PSMA6: variants seen among roughly 807,000 people sequenced by gnomAD.
PSMA6 encodes proteasome 20S subunit alpha 6.
For synonymous variants in PSMA6, 88 were observed against 97.7 expected (o/e 0.90, Z 0.59); for missense variants, 170 against 294.8 (o/e 0.58, Z 3.10).
At chr14:35,313,104 C>T (rs1334046887) in intron 5 of PSMA6, 45 bp downstream of exon 5, 3 of 1,443,804 alleles carry the variant, frequency 2.1e-6, no homozygotes, top group Non-Finnish European at 1.9e-6. Context: ...CTATATAGAA[C>T]AGTGAGGATC....
upstream of PSMA6, among the ~76,000 whole-genome samples, chr14:35,288,153 C>T (rs755082522): frequency 1.3e-5 from 2 of 152,192 alleles, no homozygotes; most frequent in Non-Finnish European, 2.9e-5. Flanking sequence ...GATTGGAGTG[C>T]TTACCTCAGG....
At chr14:35,291,257 G>A (rs1190540023), upstream of PSMA6, among the ~76,000 whole-genome samples, 3 of 148,830 alleles carry the variant, frequency 2.0e-5, no homozygotes, top group East Asian at 5.9e-4. Context: ...TCGCTCTGTC[G>A]CCCAGGCTGG....
At position 35,312,944 on chromosome 14, in the gene PSMA6, G is replaced by T. The variant is rs2051972689; in HGVS notation, c.473G>T (p.Gly158Val). 1 of 1,593,308 alleles carries T rather than the reference G, an allele frequency of 6.3e-7. No homozygotes were observed. The highest frequency in any genetic ancestry group is 8.5e-7 in the Non-Finnish European group (1 of 1,172,814). Residue 158 changes from glycine (G) to valine (V), a missense_variant, in exon 5 of 7, where the codon GGT becomes GTT. Transcript: ENST00000261479. ...GPQVYKCDPA[G>V]YYCGFKATAA... is the part of the protein sequence containing the mutation. ...CAGGTATATAAGTGTGATCCTGCAG[G>T]TTACTACTGTGGGTTTAAAGCCACT...
chr14:35,284,320 G>T (rs938713952), intron 1 of PSMA6, among the ~76,000 whole-genome samples: 1 of 152,016 alleles, frequency 6.6e-6, no homozygotes, highest in African/African-American at 2.4e-5. Context: ...TAACACACCT[G>T]TTAAGAGTTC....
At chr14:35,302,817 T>C (rs1483794670) in intron 1 of PSMA6, among the ~76,000 whole-genome samples, 2 of 152,196 alleles carry the variant, frequency 1.3e-5, no homozygotes, top group Admixed American at 1.3e-4. Flanking sequence ...AATTTTTAAA[T>C]TTTACGTATT....
In PSMA6 at chr14:35,302,350, A is replaced by G. The variant is rs76266462; in HGVS notation, c.77-5644A>G. Reference sequence around the variant, plus strand: ...AGCAGTGGGATTACAAGCATGAGCCATCACACACAGCCAGAATCACTACAA... The same window carrying G: ...AGCAGTGGGATTACAAGCATGAGCCGTCACACACAGCCAGAATCACTACAA... On this transcript the variant is annotated intron_variant, in intron 1 of 6. Coordinates refer to ENST00000261479, the MANE Select transcript of PSMA6 (RefSeq NM_002791.3). 6.3e-3 allele frequency among the ~76,000 whole-genome samples: 954 copies of G among 152,348 alleles called. 11 individuals are homozygous for G. Among genetic ancestry groups the G allele is most frequent in the African/African-American group, 0.022 (902 of 41,574 alleles).
intron 1 of PSMA6, among the ~76,000 whole-genome samples, chr14:35,283,910 C>T (rs1226502414): frequency 6.6e-6 from 1 of 152,146 alleles, no homozygotes; most frequent in Non-Finnish European, 1.5e-5. Flanking sequence ...CTTTCCATTC[C>T]TATTGCTGCT....
At chr14:35,299,445 C>T (rs750649509) in intron 1 of PSMA6, among the ~76,000 whole-genome samples, 15 of 150,112 alleles carry the variant, frequency 1.0e-4, no homozygotes, top group Middle Eastern at 3.4e-3. Context: ...GCCTCAGCAC[C>T]CCAATAGCTG....
intron 1 of PSMA6, among the ~76,000 whole-genome samples, chr14:35,283,607 G>T (rs1393792875): frequency 1.3e-5 from 2 of 148,176 alleles, no homozygotes; most frequent in Non-Finnish European, 3.0e-5. Flanking sequence ...CCAGGCTGGA[G>T]TGCCGTGATG....
rs1594395060 is a variant in PSMA6, at chr14:35,313,266, G to A, written c.588+207G>A. On this transcript the variant is annotated intron_variant, in intron 5 of 6. Transcript: ENST00000261479. The stretch of plus-strand genomic sequence containing the variant: ...CCTTATTTCGTAATGTATTTGAGGT[G>A]GCTTTCAACAAAACGCATATAATAG... 20 of 480,718 alleles carry A rather than the reference G, an allele frequency of 4.2e-5. 1 individual carries two copies. The East Asian group carries it at 7.3e-4, about 17-fold the overall frequency. 29.8% of individuals were successfully genotyped at this position (480,718 alleles called of 1,614,324 possible). A position where few individuals can be genotyped will look rare whatever the true frequency, so the allele number is the denominator to read the frequency against.
At chr14:35,292,350 T>C (rs371186129), upstream of PSMA6, 209 of 1,523,562 alleles carry the variant, frequency 1.4e-4, 1 homozygote, top group East Asian at 4.0e-3. Context: ...GAGTTCGGCA[T>C]GCAAGAGCGG....
intron 1 of PSMA6, among the ~76,000 whole-genome samples, chr14:35,294,861 A>G (rs2051553324): frequency 6.6e-6 from 1 of 152,182 alleles, no homozygotes; most frequent in Admixed American, 6.6e-5. Context: ...AAGACAAAGC[A>G]TGGAAGGATT....
chr14:35,311,257 T>C (rs931878793), intron 4 of PSMA6, among the ~76,000 whole-genome samples: 1 of 152,252 alleles, frequency 6.6e-6, no homozygotes, highest in African/African-American at 2.4e-5. Context: ...GCTGTTTGTT[T>C]TGACCACCCT....
chr14:35,308,400 A>C (rs2051872297), intron 2 of PSMA6: 1 of 192,418 alleles, frequency 5.2e-6, no homozygotes, highest in East Asian at 1.4e-4. Context: ...CAGCCTGGGC[A>C]ACAACAGTGC....
At chr14:35,313,608 C>T (rs1158320868) in intron 5 of PSMA6, 1 of 152,164 alleles carries the variant, frequency 6.6e-6, no homozygotes, top group Non-Finnish European at 1.5e-5. Flanking sequence ...GTACTGGGCC[C>T]TGTCTAAATA....
chr14:35,291,220 C>CT (rs549426154), upstream of PSMA6, among the ~76,000 whole-genome samples: 14,770 of 125,924 alleles, frequency 0.12, 904 homozygotes, highest in Middle Eastern at 0.2. Context: ...GGCTTTCTTT[C>CT]TTTTTTTTTT....
chr14:35,303,764 A>G (rs1449552953), intron 1 of PSMA6, among the ~76,000 whole-genome samples: 2 of 152,224 alleles, frequency 1.3e-5, no homozygotes, highest in Non-Finnish European at 1.5e-5. Flanking sequence ...GCTGCAGATC[A>G]TAAATATTCA....
chr14:35,280,374 C>CTT (rs547704339), intron 1 of PSMA6, among the ~76,000 whole-genome samples: 55 of 140,546 alleles, frequency 3.9e-4, no homozygotes, highest in Non-Finnish European at 5.9e-4. Context: ...CTCATTGTTT[C>CTT]TTTTTTTTTT....
intron 2 of PSMA6, 110 bp from the exon 3 acceptor site, chr14:35,308,804 G>A (rs2051882383): frequency 2.7e-6 from 2 of 742,722 alleles, no homozygotes; most frequent in South Asian, 3.2e-5. Flanking sequence ...TGGTTCCATA[G>A]TATTGTTTTC....
Sources: allele counts gnomAD v4.1 joint callset (sites outside exome capture counted in the v4.1 genomes callset), GRCh38; gene constraint gnomAD v4.1.1; transcripts MANE v1.5; gene names NCBI Gene and HGNC (gene_info 2026-07-23, HGNC 2026-07-21).